SIMC1: variants seen among roughly 807,000 people sequenced by gnomAD.
The protein encoded by SIMC1 is SUMO-interacting motif-containing protein 1.
SIMC1 carries 55 observed loss-of-function variants against 82.3 expected under a neutral mutation model. The observed-to-expected ratio is 0.67, with a 90% CI of 0.54 to 0.84. The LOEUF is 0.84. Among genes scored for constraint, SIMC1 ranks in the 40% least tolerant of loss-of-function variants. The probability of loss-of-function intolerance (pLI) is 0.00; values close to 1 mark genes in which losing one functional copy is unlikely to be tolerated. For synonymous variants in SIMC1, 353 were observed against 426.3 expected (o/e 0.83, Z 2.12); for missense variants, 915 against 1,107.2 (o/e 0.83, Z 2.46).
intron 1 of SIMC1, among the ~76,000 whole-genome samples, chr5:176,263,949 A>G (rs1762102821): frequency 1.3e-5 from 2 of 152,226 alleles, no homozygotes; most frequent in South Asian, 2.1e-4. Context: ...TTCCAGAAGG[A>G]AAAAAATGGC....
intron 1 of SIMC1, among the ~76,000 whole-genome samples, chr5:176,252,922 G>A (rs1323734325): frequency 2.6e-5 from 4 of 152,230 alleles, no homozygotes; most frequent in East Asian, 1.9e-4. Flanking sequence ...CAGATCACTC[G>A]CGGTTAGGAG....
At chr5:176,283,729 C>T (rs1763127490) in intron 1 of SIMC1, among the ~76,000 whole-genome samples, 1 of 152,094 alleles carries the variant, frequency 6.6e-6, no homozygotes, top group Non-Finnish European at 1.5e-5. Flanking sequence ...CACAGACTGG[C>T]AAATTGAATA....
intron 7 of SIMC1, among the ~76,000 whole-genome samples, chr5:176,333,064 G>A (rs1765733249): frequency 6.6e-6 from 1 of 152,186 alleles, no homozygotes; most frequent in Non-Finnish European, 1.5e-5. Flanking sequence ...AGCACTTTGG[G>A]AGGCCAAGGT....
In SIMC1 at chr5:176,327,526, G is replaced by A. The variant is rs144436841; in HGVS notation, c.2171+2769G>A. Reference sequence around the variant, plus strand: ...TAGGATTCTCTACATACACAATCACGTTGTCTAAAAATACACTTTAACTGT... The same window carrying A: ...TAGGATTCTCTACATACACAATCACATTGTCTAAAAATACACTTTAACTGT... On this transcript the variant is annotated intron_variant, in intron 7 of 9. Transcript: ENST00000429602. Among the ~76,000 whole-genome samples the A allele has an allele frequency of 2.3e-3, 352 of 152,182 alleles. 3 individuals carry two copies. Among genetic ancestry groups the A allele is most frequent in the African/African-American group, 8.1e-3 (336 of 41,500 alleles).
intron 1 of SIMC1, among the ~76,000 whole-genome samples, chr5:176,265,275 C>CAAA (rs1309592893): frequency 2.6e-5 from 4 of 151,796 alleles, no homozygotes; most frequent in Admixed American, 6.6e-5. Context: ...TTCAAACAAA[C>CAAA]AAACAAACAA....
At chr5:176,344,338 C>T (rs1434631030) in intron 9 of SIMC1, among the ~76,000 whole-genome samples, 3 of 152,046 alleles carry the variant, frequency 2.0e-5, no homozygotes, top group Admixed American at 1.3e-4. Flanking sequence ...TGTTTAATTG[C>T]TTACTCGTGA....
chr5:176,248,012 T>G (rs1237003645), intron 1 of SIMC1, among the ~76,000 whole-genome samples: 2 of 151,938 alleles, frequency 1.3e-5, no homozygotes, highest in African/African-American at 2.4e-5. Context: ...TACTGTAGCC[T>G]TGTAGTATAG....
intron 1 of SIMC1, among the ~76,000 whole-genome samples, chr5:176,272,172 C>CAAAAAAAAAAAAA (rs1162307977): frequency 5.0e-5 from 1 of 19,950 alleles, no homozygotes; most frequent in African/African-American, 1.4e-4. Flanking sequence ...CCCATCTCTA[C>CAAAAAAAAAAAAA]AAAAAAAAAA....
chr5:176,262,192 A>C (rs1164015957), intron 1 of SIMC1, among the ~76,000 whole-genome samples: 2 of 151,628 alleles, frequency 1.3e-5, no homozygotes, highest in Non-Finnish European at 2.9e-5. Flanking sequence ...CCATTAATGC[A>C]ATTCACCACA....
intron 1 of SIMC1, among the ~76,000 whole-genome samples, chr5:176,282,284 A>G (rs951806140): frequency 6.6e-6 from 1 of 152,230 alleles, no homozygotes; most frequent in African/African-American, 2.4e-5. Context: ...GCCCGTCGGA[A>G]AAGCGCAGTA....
chr5:176,306,339 G>T (rs1764383625), intron 4 of SIMC1, among the ~76,000 whole-genome samples: 1 of 140,394 alleles, frequency 7.1e-6, no homozygotes, highest in Non-Finnish European at 1.6e-5. Flanking sequence ...GAGGTGAGGG[G>T]CACCTCTGCC....
At chr5:176,259,464 A>G (rs1469602480) in intron 1 of SIMC1, among the ~76,000 whole-genome samples, 1 of 151,582 alleles carries the variant, frequency 6.6e-6, no homozygotes, top group Non-Finnish European at 1.5e-5. Context: ...AAAAAAAATT[A>G]TAAACATTAT....
chr5:176,333,249 A>G (rs1765742846), intron 7 of SIMC1, among the ~76,000 whole-genome samples: 1 of 151,956 alleles, frequency 6.6e-6, no homozygotes, highest in South Asian at 2.1e-4. Flanking sequence ...GGTTGCAGTG[A>G]GCCAAGATTG....
At chr5:176,255,666 G>A (rs1761829963) in intron 1 of SIMC1, among the ~76,000 whole-genome samples, 1 of 141,332 alleles carries the variant, frequency 7.1e-6, no homozygotes, top group South Asian at 2.2e-4. Flanking sequence ...TGTTTTCTGT[G>A]AAATTTTACT....
intron 7 of SIMC1, among the ~76,000 whole-genome samples, chr5:176,331,155 G>C (rs1765641819): frequency 6.6e-6 from 1 of 151,904 alleles, no homozygotes; most frequent in African/African-American, 2.4e-5. Flanking sequence ...TGGATCACGA[G>C]GTCAGGAGAT....
intron 1 of SIMC1, among the ~76,000 whole-genome samples, chr5:176,263,864 G>A (rs1214616627): frequency 1.3e-5 from 2 of 152,154 alleles, no homozygotes; most frequent in Non-Finnish European, 2.9e-5. Context: ...TTCCAGCTGT[G>A]AGCCTGTAAG....
chr5:176,308,704 T>C, intron 4 of SIMC1: 4 of 1,492,174 alleles, frequency 2.7e-6, no homozygotes, highest in South Asian at 2.3e-5. Context: ...AGAATCGAAA[T>C]CCCAATCCAT....
At chr5:176,284,995 G>A (rs1337626766) in intron 1 of SIMC1, among the ~76,000 whole-genome samples, 1 of 152,138 alleles carries the variant, frequency 6.6e-6, no homozygotes, top group Non-Finnish European at 1.5e-5. Context: ...GGACCAGACG[G>A]ATTCACAGCC....
At position 176,296,302 on chromosome 5, in the gene SIMC1, C is replaced by T; in HGVS notation, c.1716C>T (p.Thr572=). 1.9e-6 allele frequency: 3 copies of T among 1,613,444 alleles called. No individual in the cohort carries two copies. The highest frequency in any genetic ancestry group is 2.5e-6 in the Non-Finnish European group (3 of 1,179,508). The stretch of plus-strand genomic sequence containing the variant: ...TGGAGTGGGACTGGAAACTGCTCAC[C>T]TATGTCATGGAGGAAGAGGTAACAA... ...KTVEWDWKLL[T]YVMEEEGQTL... is the part of the protein sequence containing the mutation. The change falls in exon 4 of 10, where the codon ACC becomes ACT. Residue 572 remains threonine (T), a synonymous_variant. Transcript: ENST00000429602.
Sources: gnomAD v4.1 joint callset for allele counts (sites outside exome capture counted in the v4.1 genomes callset) on GRCh38, gnomAD v4.1.1 for gene constraint, MANE v1.5 for transcripts, NCBI Gene and HGNC (gene_info 2026-07-23, HGNC 2026-07-21) for gene names.